Variants in WWC2 observed in about 807,000 individuals in gnomAD.
WWC2 encodes the protein WW and C2 domain containing 2.
Under a neutral mutation model 138.5 loss-of-function variants are expected in WWC2, and 101 were observed. The observed-to-expected ratio is 0.73, with a 90% CI of 0.62 to 0.86. The LOEUF (loss-of-function observed/expected upper bound fraction) is 0.86. Among genes scored for constraint, WWC2 ranks in the 40% least tolerant of loss-of-function variants. The pLI is 0.00. For missense variants in WWC2, 1,420 were observed against 1,419.4 expected (o/e 1.00, Z -0.01); for synonymous variants, 558 against 538.4 (o/e 1.04, Z -0.50).
chr4:183,213,569 A>G lies in WWC2; in HGVS notation c.522+4544A>G, dbSNP rs1380616578. Reference sequence around the variant, plus strand: ...TAGGTCAAGTATTTGGGAATCATGTATTTAGAAGCACCTGTCTAAAATATA... The same window carrying G: ...TAGGTCAAGTATTTGGGAATCATGTGTTTAGAAGCACCTGTCTAAAATATA... On this transcript the variant is annotated intron_variant, in intron 4 of 22. Transcript: ENST00000403733. Among the ~76,000 whole-genome samples, 4 of 152,176 alleles carry G rather than the reference A, an allele frequency of 2.6e-5. No homozygotes were observed. The East Asian group carries it at 7.7e-4, about 29-fold the overall frequency.
chr4:183,307,826 C>T (rs1253115110), intron 21 of WWC2, among the ~76,000 whole-genome samples: 2 of 152,184 alleles, frequency 1.3e-5, no homozygotes, highest in East Asian at 3.8e-4. Flanking sequence ...CCTCTCACAT[C>T]TTCTTTTCTG....
intron 1 of WWC2, among the ~76,000 whole-genome samples, chr4:183,111,579 A>G (rs2152887653): frequency 1.3e-5 from 2 of 152,144 alleles, no homozygotes; most frequent in African/African-American, 4.8e-5. Flanking sequence ...TTGTTGACTT[A>G]CTGGTCTAGG....
intron 1 of WWC2, among the ~76,000 whole-genome samples, chr4:183,186,471 GGGAATGGTTA>G (rs1256858770): frequency 2.0e-5 from 3 of 152,272 alleles, no homozygotes; most frequent in Admixed American, 1.3e-4. Context: ...GTTAGGATGA[GGGAATGGTTA>G]GGAATGGTTA....
chr4:183,146,536 C>G (rs1733466404), intron 1 of WWC2, among the ~76,000 whole-genome samples: 1 of 152,098 alleles, frequency 6.6e-6, no homozygotes, highest in Non-Finnish European at 1.5e-5. Flanking sequence ...TGCCCAGGTA[C>G]CATAGGTTTG....
chr4:183,100,027 T>TCCGC (rs992388142), intron 1 of WWC2, among the ~76,000 whole-genome samples: 14 of 152,302 alleles, frequency 9.2e-5, no homozygotes, highest in Non-Finnish European at 1.3e-4. Flanking sequence ...GAACGAGCCC[T>TCCGC]CCGGGCCACC....
At chr4:183,284,461 A>C in intron 19 of WWC2, 71 bp downstream of exon 19, 1 of 1,567,728 alleles carries the variant, frequency 6.4e-7, no homozygotes, top group Admixed American at 1.7e-5. Flanking sequence ...AGTGGCCTGC[A>C]AAGGACAAGA....
At chr4:183,202,746 G>A (rs148110786) in intron 2 of WWC2, among the ~76,000 whole-genome samples, 108 of 152,270 alleles carry the variant, frequency 7.1e-4, no homozygotes, top group African/African-American at 2.5e-3. Context: ...TCATCAGCTG[G>A]TTCAAGCCAG....
At chr4:183,246,953 C>T (rs1736799050) in intron 6 of WWC2, among the ~76,000 whole-genome samples, 1 of 152,076 alleles carries the variant, frequency 6.6e-6, no homozygotes, top group Non-Finnish European at 1.5e-5. Context: ...TTTCATTCTT[C>T]CTATAAACTT....
intron 4 of WWC2, 115 bp downstream of exon 4, chr4:183,209,140 C>T (rs1580059660): frequency 1.5e-6 from 1 of 680,548 alleles, no homozygotes; most frequent in African/African-American, 1.8e-5. Flanking sequence ...AACTCCTCCC[C>T]TTATCTCTGA....
chr4:183,099,434 C>A lies in WWC2; in HGVS notation c.-58C>A. Reference sequence around the variant, plus strand: ...CAGCCTAGCCCGGCAGCCGCGTTCCCGCCGCGTCCCGCGCCCGGTACCTAT... The same window carrying A: ...CAGCCTAGCCCGGCAGCCGCGTTCCAGCCGCGTCCCGCGCCCGGTACCTAT... On this transcript the variant is annotated 5_prime_UTR_variant, in exon 1 of 23. Transcript: ENST00000403733. The A allele has an allele frequency of 8.3e-7, 1 of 1,198,832 alleles. No homozygotes were observed. The highest frequency in any genetic ancestry group is 3.9e-5 in the South Asian group (1 of 25,942). The allele number at this position is 1,198,832 out of a possible 1,614,324, so 74.3% of individuals were successfully genotyped here.
In WWC2 at chr4:183,282,658, C is replaced by T. The variant is rs747637915; in HGVS notation, c.2685-50C>T. The stretch of plus-strand genomic sequence containing the variant: ...ACTTAGCATGCCCAGGTTGCGTGTT[C>T]ATGGAGCATGCCTGCCTACCAAAAG... On this transcript the variant is annotated intron_variant, in intron 17 of 22. Coordinates refer to ENST00000403733, the MANE Select transcript of WWC2 (RefSeq NM_024949.6). 3.4e-5 allele frequency: 52 copies of T among 1,531,324 alleles called. No homozygotes were observed. The African/African-American group carries it at 5.5e-4, about 16-fold the overall frequency. The allele number at this position is 1,531,324 out of a possible 1,614,324, so 94.9% of individuals were successfully genotyped here.
At position 183,319,581 on chromosome 4, in the gene WWC2, G is replaced by C. The variant is rs201506772; in HGVS notation, c.*3852G>C. On this transcript the variant is annotated 3_prime_UTR_variant, in exon 23 of 23. Transcript: ENST00000403733. ...TTAGTGTTTCAGGTTGGTGTTTCTC[G>C]TCTCCAGTTCTTGATGATGATCTTG... The C allele has an allele frequency of 4.0e-5, 64 of 1,612,786 alleles. 1 individual carries two copies. The highest frequency in any genetic ancestry group is 5.1e-5 in the Non-Finnish European group (60 of 1,179,444).
intron 15 of WWC2, 77 bp downstream of exon 15, chr4:183,269,240 T>G (rs1198249550): frequency 5.6e-6 from 8 of 1,440,380 alleles, no homozygotes; most frequent in Non-Finnish European, 9.4e-7. Flanking sequence ...TAGTTGCTAT[T>G]TTGCCAGCCC....
intron 9 of WWC2, among the ~76,000 whole-genome samples, chr4:183,259,051 G>A (rs1015938110): frequency 1.3e-5 from 2 of 152,096 alleles, no homozygotes; most frequent in African/African-American, 4.8e-5. Context: ...GCTGTAGCTC[G>A]GAAGGGGAAT....
At position 183,319,305 on chromosome 4, in the gene WWC2, G is replaced by T. The variant is rs950569781; in HGVS notation, c.*3576G>T. 4.8e-6 allele frequency: 2 copies of T among 414,812 alleles called. No homozygotes were observed. The highest frequency in any genetic ancestry group is 2.0e-5 in the African/African-American group (1 of 50,300). The allele number at this position is 414,812 out of a possible 1,614,324, so 25.7% of individuals were successfully genotyped here. A position where few individuals can be genotyped will look rare whatever the true frequency, so the allele number is the denominator to read the frequency against. On this transcript the variant is annotated 3_prime_UTR_variant, in exon 23 of 23. Coordinates refer to ENST00000403733, the MANE Select transcript of WWC2 (RefSeq NM_024949.6). The stretch of plus-strand genomic sequence containing the variant: ...TTTTATTTACCACTTCTGTGCAATC[G>T]CTATTTTAAAATTGAGAAAACTCAT...
intron 5 of WWC2, among the ~76,000 whole-genome samples, chr4:183,242,085 C>T (rs1015545581): frequency 6.6e-6 from 1 of 152,110 alleles, no homozygotes; most frequent in South Asian, 2.1e-4. Context: ...ATCCCTTGAA[C>T]CGAGAGCAGA....
chr4:183,314,732 C>T (rs563816479), intron 22 of WWC2, among the ~76,000 whole-genome samples: 1 of 152,210 alleles, frequency 6.6e-6, no homozygotes, highest in Non-Finnish European at 1.5e-5. Flanking sequence ...TTAAGGCCTC[C>T]GCTGACATCA....
In WWC2 at chr4:183,265,101, T is replaced by A. The variant is rs1251014188; in HGVS notation, c.2033T>A (p.Val678Glu). Residue 678 changes from valine (V) to glutamate (E), a missense_variant, in exon 12 of 23, where the codon GTG becomes GAG. Val to Glu is a moderately radical substitution (Grantham distance 121, BLOSUM62 -2). Transcript: ENST00000403733. ...AGDSGVYEAF[V>E]KQPSEMEDVT... ...GACAGTGGGGTCTATGAAGCTTTCGTGAAACAGTAAGGATTCAGCAGGGGC... is the reference window on the plus strand; with the variant it reads ...GACAGTGGGGTCTATGAAGCTTTCGAGAAACAGTAAGGATTCAGCAGGGGC... The A allele has an allele frequency of 4.4e-6, 7 of 1,607,324 alleles. No homozygotes were observed. Among genetic ancestry groups the A allele is most frequent in the Non-Finnish European group, 5.9e-6 (7 of 1,176,860 alleles).
At chr4:183,123,527 C>T (rs1053912933) in intron 1 of WWC2, among the ~76,000 whole-genome samples, 1 of 152,008 alleles carries the variant, frequency 6.6e-6, no homozygotes, top group Non-Finnish European at 1.5e-5. Context: ...CAGGAATGCT[C>T]TACCCCAGCA....
Sources: allele counts gnomAD v4.1 joint callset (sites outside exome capture counted in the v4.1 genomes callset), GRCh38; gene constraint gnomAD v4.1.1; transcripts MANE v1.5; gene names NCBI Gene and HGNC (gene_info 2026-07-23, HGNC 2026-07-21).